GEMIN5: variants seen among roughly 807,000 people sequenced by gnomAD.
GEMIN5 encodes gem nuclear organelle associated protein 5, also known as gem-associated protein 5.
GEMIN5 carries 124 observed loss-of-function variants against 176.9 expected under a neutral mutation model. That is an observed-to-expected ratio of 0.70 (90% CI 0.61 to 0.81). The LOEUF is 0.81. GEMIN5 is among the 40% of genes least tolerant of loss of function. The pLI is 0.00. For synonymous variants in GEMIN5, 673 were observed against 665.2 expected, an observed-to-expected ratio of 1.01 and a Z score of -0.18; for missense variants, 1,843 against 1,814.6, an observed-to-expected ratio of 1.02 and a Z score of -0.28.
chr5:154,922,842 G>A (rs1287428694), intron 9 of GEMIN5, among the ~76,000 whole-genome samples: 13 of 150,770 alleles, frequency 8.6e-5, no homozygotes, highest in Non-Finnish European at 1.5e-5. Flanking sequence ...GAATACAGGC[G>A]CCCACTACCA....
intron 27 of GEMIN5, among the ~76,000 whole-genome samples, chr5:154,888,932 A>G: frequency 6.6e-6 from 1 of 151,034 alleles, no homozygotes; most frequent in Non-Finnish European, 1.5e-5. Context: ...ATCTTGGCTC[A>G]CTGCAAGCTC....
intron 15 of GEMIN5, among the ~76,000 whole-genome samples, chr5:154,909,842 T>G (rs1238604978): frequency 6.6e-6 from 1 of 152,010 alleles, no homozygotes; most frequent in African/African-American, 2.4e-5. Flanking sequence ...TAGCTGGGTG[T>G]GAGGCACGCA....
At position 154,891,598 on chromosome 5, in the gene GEMIN5, C is replaced by T; in HGVS notation, c.3905G>A (p.Trp1302Ter). 6.2e-7 allele frequency: 1 copy of T among 1,614,138 alleles called. No homozygotes were observed. Residue 1302 changes from tryptophan (W) to a stop codon, truncating the protein, a stop_gained, in exon 26 of 28, where the codon TGG becomes TAG. Transcript: ENST00000285873. LOFTEE classifies it high-confidence loss of function. ...GAGTGTTCTGTGACCAGCCCTTACC[C>T]AGACACTGGAATTTGGGCAAGGTCT... ...LSRPCPNSSV[W>*]VRAGHRTLSV...
intron 11 of GEMIN5, among the ~76,000 whole-genome samples, chr5:154,918,766 G>A (rs1364021730): frequency 6.6e-6 from 1 of 152,194 alleles, no homozygotes; most frequent in African/African-American, 2.4e-5. Context: ...CATTTGGGCT[G>A]GGCATGGTGG....
chr5:154,935,385 A>G (rs1764246263), intron 3 of GEMIN5, among the ~76,000 whole-genome samples: 2 of 152,234 alleles, frequency 1.3e-5, no homozygotes, highest in African/African-American at 4.8e-5. Flanking sequence ...GGTGAAAGAA[A>G]CGGGGATGTA....
chr5:154,907,721 C>T lies in GEMIN5; in HGVS notation c.2265G>A (p.Leu755=), dbSNP rs1193580516. 1 of 1,614,114 alleles carries T rather than the reference C, an allele frequency of 6.2e-7. No individual in the cohort carries two copies. The highest frequency in any genetic ancestry group is 1.7e-5 in the Admixed American group (1 of 60,010). The part of the protein sequence containing the change: ...KKPTLRTPVK[L]ESIDGNEEES... Reference sequence around the variant, plus strand: ...CTTCTTCATTTCCATCAATCGATTCCAGCTTTACAGGAGTTCTCAAGGTGG... The same window carrying T: ...CTTCTTCATTTCCATCAATCGATTCTAGCTTTACAGGAGTTCTCAAGGTGG... Residue 755 remains leucine (L), a synonymous_variant, in exon 16 of 28, where the codon CTG becomes CTA. Transcript: ENST00000285873.
intron 18 of GEMIN5, among the ~76,000 whole-genome samples, chr5:154,904,246 G>A (rs1481722460): frequency 6.6e-6 from 1 of 152,176 alleles, no homozygotes; most frequent in African/African-American, 2.4e-5. Flanking sequence ...GCACACAGAT[G>A]GCTGGGAGGA....
chr5:154,888,844 T>C (rs1270588489), intron 27 of GEMIN5, among the ~76,000 whole-genome samples: 1 of 102,820 alleles, frequency 9.7e-6, no homozygotes, highest in East Asian at 2.8e-4. Flanking sequence ...AATTGGATTC[T>C]AAATTCTTTT....
At chr5:154,891,877 G>T in intron 25 of GEMIN5, 135 bp from the exon 26 acceptor site, 1 of 832,520 alleles carries the variant, frequency 1.2e-6, no homozygotes, top group Non-Finnish European at 1.9e-6. Flanking sequence ...TGATCCACCG[G>T]GCCACATGCC....
chr5:154,907,231 T>A (rs1216936378), intron 16 of GEMIN5, among the ~76,000 whole-genome samples: 1 of 152,186 alleles, frequency 6.6e-6, no homozygotes, highest in Admixed American at 6.5e-5. Context: ...TAAGGGACAG[T>A]AGTTTCTTTC....
intron 24 of GEMIN5, among the ~76,000 whole-genome samples, chr5:154,894,676 G>C (rs1001528338): frequency 1.3e-5 from 2 of 151,974 alleles, no homozygotes; most frequent in African/African-American, 4.8e-5. Flanking sequence ...GGAGGCCGAA[G>C]TGGGCAAATC....
intron 9 of GEMIN5, among the ~76,000 whole-genome samples, chr5:154,922,697 G>GTTTT (rs941015595): frequency 1.5e-5 from 2 of 135,340 alleles, no homozygotes; most frequent in African/African-American, 5.5e-5. Context: ...CTTTAAAACA[G>GTTTT]TTTTTTTTTT....
chr5:154,932,079 T>C lies in GEMIN5; in HGVS notation c.661+20A>G. On this transcript the variant is annotated intron_variant, in intron 4 of 27. Coordinates refer to ENST00000285873, the MANE Select transcript of GEMIN5 (RefSeq NM_015465.5). ...CTTCAGGTCTCAAGTGGACTTAACT[T>C]TCCCTTAAACCATCTCTACCTGAAG... 1 of 1,586,546 alleles carries C rather than the reference T, an allele frequency of 6.3e-7. No homozygotes were observed. Among genetic ancestry groups the C allele is most frequent in the South Asian group, 1.1e-5 (1 of 88,306 alleles).
chr5:154,902,709 T>A (rs1355338779), intron 19 of GEMIN5, 33 bp from the exon 20 acceptor site: 5 of 1,607,648 alleles, frequency 3.1e-6, no homozygotes, highest in Non-Finnish European at 3.4e-6. Flanking sequence ...TTGGAAGGTG[T>A]TTCAGAAACA....
At chr5:154,898,379 A>G (rs1218356330) in intron 23 of GEMIN5, 61 bp downstream of exon 23, 1 of 1,437,890 alleles carries the variant, frequency 7.0e-7, no homozygotes, top group Non-Finnish European at 9.8e-7. Flanking sequence ...CTTGGATTTG[A>G]CTAGAAAAGG....
chr5:154,889,404 T>G lies in GEMIN5; in HGVS notation c.4276A>C (p.Asn1426His). 6.2e-7 allele frequency: 1 copy of G among 1,604,804 alleles called. No individual in the cohort carries two copies. Among genetic ancestry groups the G allele is most frequent in the Non-Finnish European group, 8.5e-7 (1 of 1,171,912 alleles). Reference protein sequence around the residue: ...SSQSQCKEEKNEPLSLPELTK... With the variant: ...SSQSQCKEEKHEPLSLPELTK... ...AACTCAGGCAGAGAAAGTGGCTCAT[T>G]TTTTTCTTCTTTACTAGTGAAAAAA... The change falls in exon 27 of 28, where the codon AAT becomes CAT. Residue 1426 changes from asparagine to histidine, a missense_variant. By Grantham distance (68) the Asn-to-His change is moderately conservative (BLOSUM62 1). Transcript: ENST00000285873.
In GEMIN5 at chr5:154,896,211, C is replaced by A; in HGVS notation, c.3478G>T (p.Val1160Leu). 6.2e-7 allele frequency: 1 copy of A among 1,613,952 alleles called. No homozygotes were observed. Among genetic ancestry groups the A allele is most frequent in the East Asian group, 2.2e-5 (1 of 44,852 alleles). The change falls in exon 24 of 28, where the codon GTG becomes TTG. Residue 1160 changes from valine to leucine, a missense_variant. Val to Leu is a conservative substitution (Grantham distance 32, BLOSUM62 1). Coordinates refer to ENST00000285873, the MANE Select transcript of GEMIN5 (RefSeq NM_015465.5). ...AAGATGCTCTTCCACACTGCAGTCA[C>A]CCTCTCCACGAAAGGCCCTTCGGTG... ...TGTEGPFVER[V>L]TAVWKSIFSL...
intron 13 of GEMIN5, among the ~76,000 whole-genome samples, chr5:154,915,018 G>A (rs1763783628): frequency 6.6e-6 from 1 of 152,196 alleles, no homozygotes. Context: ...AATGGATTCT[G>A]GCAGTTTTCT....
At chr5:154,902,800 G>T (rs1008796029) in intron 19 of GEMIN5, 124 bp from the exon 20 acceptor site, 1 of 961,240 alleles carries the variant, frequency 1.0e-6, no homozygotes, top group Non-Finnish European at 1.6e-6. Context: ...TCTCTGATGG[G>T]TGTCACCTAC....
Sources: gnomAD v4.1 joint callset for allele counts (sites outside exome capture counted in the v4.1 genomes callset) on GRCh38, gnomAD v4.1.1 for gene constraint, MANE v1.5 for transcripts, NCBI Gene and HGNC (gene_info 2026-07-23, HGNC 2026-07-21) for gene names.